CPAMD8: variants seen among roughly 807,000 people sequenced by gnomAD.
The protein encoded by CPAMD8 is C3 and PZP-like alpha-2-macroglobulin domain-containing protein 8.
A neutral mutation model predicts 224.7 loss-of-function variants in CPAMD8; 146 were observed. The observed-to-expected ratio is 0.65, with a 90% CI of 0.57 to 0.75. The LOEUF is 0.75. Among genes scored for constraint, CPAMD8 ranks in the 30% least tolerant of loss-of-function variants. The pLI is 0.00. For missense variants in CPAMD8, 2,301 were observed against 2,537.5 expected (o/e 0.91, Z 2.00); for synonymous variants, 966 against 1,044.6 (o/e 0.92, Z 1.45).
intron 29 of CPAMD8, among the ~76,000 whole-genome samples, chr19:16,913,949 A>C (rs1382391137): frequency 6.6e-6 from 1 of 152,140 alleles, no homozygotes; most frequent in Admixed American, 6.5e-5. Flanking sequence ...GCCTCATAGA[A>C]GAGACTATGG....
chr19:17,015,985 C>A (rs1234864457), intron 3 of CPAMD8, among the ~76,000 whole-genome samples: 1 of 152,172 alleles, frequency 6.6e-6, no homozygotes, highest in Non-Finnish European at 1.5e-5. Flanking sequence ...GCTCTGTTGC[C>A]CAGACTAGAG....
intron 35 of CPAMD8, among the ~76,000 whole-genome samples, 173 bp from the exon 36 acceptor site, chr19:16,901,470 A>G (rs754138552): frequency 1.4e-4 from 21 of 152,126 alleles, no homozygotes; most frequent in Non-Finnish European, 3.1e-4. Flanking sequence ...CAGTCAACCT[A>G]TTTTACAGCA....
At chr19:17,008,229 G>A (rs1220285090) in intron 7 of CPAMD8, among the ~76,000 whole-genome samples, 1 of 152,208 alleles carries the variant, frequency 6.6e-6, no homozygotes, top group South Asian at 2.1e-4. Context: ...CTTGAGTTCT[G>A]AGCAGGAGCC....
chr19:16,992,643 G>A (rs1303658854), intron 12 of CPAMD8, among the ~76,000 whole-genome samples: 3 of 151,908 alleles, frequency 2.0e-5, no homozygotes, highest in Non-Finnish European at 4.4e-5. Context: ...GTAGAGATGG[G>A]GTTTTGCCAT....
chr19:16,930,553 G>A (rs551437470), intron 23 of CPAMD8, among the ~76,000 whole-genome samples: 2 of 152,306 alleles, frequency 1.3e-5, no homozygotes, highest in African/African-American at 4.8e-5. Flanking sequence ...AATACATGGT[G>A]CTTGGCGGGA....
In CPAMD8 at chr19:16,999,097, T is replaced by C. The variant is rs146979829; in HGVS notation, c.867+1317A>G. ...CAGACACAAAAGGACATATAGCATA[T>C]GATTCATTCACAGAAATGTCCAGAA... On this transcript the variant is annotated intron_variant, in intron 10 of 41. Transcript: ENST00000443236. Among the ~76,000 whole-genome samples, 34 of 152,232 alleles carry C rather than the reference T, an allele frequency of 2.2e-4. 1 individual carries two copies. Among genetic ancestry groups the C allele is most frequent in the African/African-American group, 7.7e-4 (32 of 41,536 alleles).
chr19:17,019,271 C>T (rs182548317), intron 3 of CPAMD8, among the ~76,000 whole-genome samples: 241 of 151,862 alleles, frequency 1.6e-3, no homozygotes, highest in African/African-American at 4.7e-3. Flanking sequence ...TACAGGTGTG[C>T]GCCACCATGC....
chr19:16,975,658 T>C (rs1199082647), intron 16 of CPAMD8, among the ~76,000 whole-genome samples: 1 of 152,106 alleles, frequency 6.6e-6, no homozygotes, highest in East Asian at 1.9e-4. Flanking sequence ...CAGTGAGCTA[T>C]GATCACGCCA....
chr19:16,905,540 C>CAAA (rs5827346), intron 30 of CPAMD8, among the ~76,000 whole-genome samples: 3 of 80,374 alleles, frequency 3.7e-5, no homozygotes, highest in Non-Finnish European at 6.8e-5. Flanking sequence ...AACTCCGTTT[C>CAAA]AAAAAAAAAA....
chr19:17,012,354 T>TTTC, intron 3 of CPAMD8, among the ~76,000 whole-genome samples: 1 of 149,662 alleles, frequency 6.7e-6, no homozygotes, highest in Admixed American at 6.7e-5. Flanking sequence ...TTCTTTCTTT[T>TTTC]TTTTTTTTTT....
intron 1 of CPAMD8, among the ~76,000 whole-genome samples, chr19:17,025,761 G>A (rs1254654823): frequency 6.6e-6 from 1 of 152,164 alleles, no homozygotes; most frequent in African/African-American, 2.4e-5. Flanking sequence ...CCGATTTCAC[G>A]AAGCCTAGGA....
intron 3 of CPAMD8, among the ~76,000 whole-genome samples, chr19:17,014,477 T>C (rs1482262403): frequency 6.6e-6 from 1 of 152,202 alleles, no homozygotes; most frequent in Non-Finnish European, 1.5e-5. Flanking sequence ...TTAGTCTGTT[T>C]TCACACTGGT....
intron 30 of CPAMD8, 23 bp from the exon 31 acceptor site, chr19:16,904,575 G>C: frequency 2.0e-6 from 3 of 1,528,928 alleles, no homozygotes; most frequent in Non-Finnish European, 1.8e-6. Flanking sequence ...GAGTGGTCAA[G>C]AGCTATAACC....
In CPAMD8 at chr19:16,985,931, A is replaced by C. The variant is rs143318671; in HGVS notation, c.1395+3712T>G. Among the ~76,000 whole-genome samples the C allele has an allele frequency of 5.3e-4, 80 of 152,232 alleles. 1 individual carries two copies. In the East Asian group the frequency reaches 9.9e-3, roughly 19 times the overall value. The stretch of plus-strand genomic sequence containing the variant: ...AAGTCTCATGGTTGTTTATTATATT[A>C]ACATTTTTCAATTTCACTCTAAATT... On this transcript the variant is annotated intron_variant, in intron 13 of 41. Transcript: ENST00000443236.
intron 8 of CPAMD8, among the ~76,000 whole-genome samples, chr19:17,003,689 G>A (rs1216562657): frequency 6.7e-6 from 1 of 150,092 alleles, no homozygotes; most frequent in African/African-American, 2.4e-5. Context: ...GAGGAGGGAG[G>A]ATCACTTGAA....
intron 30 of CPAMD8, among the ~76,000 whole-genome samples, chr19:16,906,318 CTCCT>C (rs778199072): frequency 4.7e-5 from 7 of 148,014 alleles, no homozygotes; most frequent in South Asian, 4.4e-4. Flanking sequence ...TCTTCTCTCC[CTCCT>C]TCCTTCCTTC....
In CPAMD8 at chr19:16,897,942, A is replaced by G; in HGVS notation, c.4901T>C (p.Val1634Ala). 1 of 1,611,210 alleles carries G rather than the reference A, an allele frequency of 6.2e-7. No individual in the cohort carries two copies. Among genetic ancestry groups the G allele is most frequent in the East Asian group, 2.2e-5 (1 of 44,814 alleles). Reference protein sequence around the residue: ...CVRFRALRECVVGRTSALPVS... With the variant: ...CVRFRALRECAVGRTSALPVS... ...TGGCAGCGCCGACGTCCTGCCCACC[A>G]CGCACTCCCGGAGAGCACGGAACCG... The change falls in exon 38 of 42, where the codon GTG becomes GCG. Residue 1634 changes from valine (V) to alanine (A), a missense_variant. Transcript: ENST00000443236.
chr19:16,989,497 G>A (rs966667198), intron 13 of CPAMD8, 146 bp downstream of exon 13: 1 of 930,352 alleles, frequency 1.1e-6, no homozygotes, highest in South Asian at 1.7e-5. Flanking sequence ...ATGCTGGCCA[G>A]GCTGGTCTCG....
At chr19:16,961,057 C>A (rs2054636244) in intron 18 of CPAMD8, among the ~76,000 whole-genome samples, 1 of 151,812 alleles carries the variant, frequency 6.6e-6, no homozygotes, top group African/African-American at 2.4e-5. Context: ...CCAAGATGGC[C>A]AAATAGGAAC....
Sources: allele counts gnomAD v4.1 joint callset (sites outside exome capture counted in the v4.1 genomes callset), GRCh38; gene constraint gnomAD v4.1.1; transcripts MANE v1.5; gene names NCBI Gene and HGNC (gene_info 2026-07-23, HGNC 2026-07-21).